The following KCNMA1 variants were observed in gnomAD, a reference collection of about 807,000 sequenced individuals.
KCNMA1 encodes the protein potassium calcium-activated channel subfamily M alpha 1, also known as Calcium-activated potassium channel subunit alpha-1.
In KCNMA1, 29 loss-of-function variants were observed where a neutral mutation model predicts 140.0. That is an observed-to-expected ratio of 0.21 (90% CI 0.15 to 0.28). The LOEUF (loss-of-function observed/expected upper bound fraction) is 0.28. Among genes scored for constraint, KCNMA1 ranks in the 10% least tolerant of loss-of-function variants. The pLI, the probability that KCNMA1 is intolerant of heterozygous loss-of-function variation, is 1.00. For synonymous variants in KCNMA1, 612 were observed against 611.9 expected (o/e 1.00, Z 0.00); for missense variants, 880 against 1,602.2 (o/e 0.55, Z 7.70).
At chr10:77,309,266 T>A (rs191319965) in intron 2 of KCNMA1, among the ~76,000 whole-genome samples, 16 of 152,298 alleles carry the variant, frequency 1.1e-4, no homozygotes, top group Non-Finnish European at 1.0e-4. Context: ...CCCACAACCA[T>A]CTACTTCAAA....
At chr10:77,559,946 A>C (rs1392918670) in intron 1 of KCNMA1, among the ~76,000 whole-genome samples, 4 of 152,028 alleles carry the variant, frequency 2.6e-5, no homozygotes, top group African/African-American at 9.7e-5. Flanking sequence ...GGGAGGCTGA[A>C]GCAGGTGGAT....
rs865951132 is a variant in KCNMA1 at position 77,324,957 on chromosome 10, C to G, written c.541-73701G>C. ...AGCTCTAGACTCTCTCTCTCTCTCT[C>G]TCTCTCTCTCTCTCTGTGTGTGTGT... is the stretch of plus-strand genomic sequence containing the variant. On this transcript the variant is annotated intron_variant, in intron 2 of 27. Transcript: ENST00000286628. Among the ~76,000 whole-genome samples the G allele has an allele frequency of 3.4e-3, 381 of 111,740 alleles. 2 individuals carry two copies. Among genetic ancestry groups the G allele is most frequent in the Middle Eastern group, 8.8e-3 (2 of 226 alleles). 73.3% of individuals were successfully genotyped at this position (111,740 alleles called of 152,430 possible).
intron 10 of KCNMA1, among the ~76,000 whole-genome samples, chr10:77,088,114 C>T (rs1038147532): frequency 9.9e-5 from 15 of 152,192 alleles, no homozygotes; most frequent in Admixed American, 1.3e-4. Flanking sequence ...GCATGTGCCA[C>T]CATGCCCGGC....
At chr10:77,628,304 A>G (rs564199207) in intron 1 of KCNMA1, among the ~76,000 whole-genome samples, 1 of 152,212 alleles carries the variant, frequency 6.6e-6, no homozygotes, top group African/African-American at 2.4e-5. Context: ...TGCAAAAGAC[A>G]TCATGGTCCC....
chr10:77,126,181 C>T (rs1458948866), intron 5 of KCNMA1, among the ~76,000 whole-genome samples: 1 of 152,008 alleles, frequency 6.6e-6, no homozygotes, highest in Non-Finnish European at 1.5e-5. Context: ...TAAGGTAACA[C>T]AAAATAGCTA....
intron 2 of KCNMA1, among the ~76,000 whole-genome samples, chr10:77,343,945 T>C (rs1293973360): frequency 1.3e-5 from 2 of 152,216 alleles, no homozygotes; most frequent in Non-Finnish European, 2.9e-5. Context: ...GCCTGGGCTC[T>C]GCTCCACCTG....
At chr10:76,869,635 C>G (rs1039307443) in exon 28 of KCNMA1, 3 of 152,474 alleles carry the variant, frequency 2.0e-5, no homozygotes, top group Non-Finnish European at 4.4e-5. Flanking sequence ...TTTTAATCTG[C>G]GAAAAATACA....
chr10:77,327,950 A>G lies in KCNMA1; in HGVS notation c.540+75912T>C, dbSNP rs567831002. 1.4e-4 allele frequency among the ~76,000 whole-genome samples: 21 copies of G among 152,308 alleles called. No homozygotes were observed. In the South Asian group the frequency reaches 3.5e-3, roughly 26 times the overall value. On this transcript the variant is annotated intron_variant, in intron 2 of 27. Coordinates refer to ENST00000286628, the MANE Select transcript of KCNMA1 (RefSeq NM_001161352.2). ...GCTTTGAGTATAATAATATTCACAAAGCACACAAATAGGCACTCTGAAGAG... is the reference window on the plus strand; with the variant it reads ...GCTTTGAGTATAATAATATTCACAAGGCACACAAATAGGCACTCTGAAGAG...
intron 2 of KCNMA1, among the ~76,000 whole-genome samples, chr10:77,332,244 A>C (rs1214269794): frequency 6.6e-6 from 1 of 152,134 alleles, no homozygotes; most frequent in Non-Finnish European, 1.5e-5. Flanking sequence ...GATGAGAGGG[A>C]AAAAAAGGAG....
chr10:77,373,208 G>C (rs1005626714), intron 2 of KCNMA1, among the ~76,000 whole-genome samples: 1 of 152,144 alleles, frequency 6.6e-6, no homozygotes, highest in Non-Finnish European at 1.5e-5. Context: ...CCTCATTAAT[G>C]AGCTAAATGC....
chr10:77,145,238 T>C (rs1354162419), intron 5 of KCNMA1, among the ~76,000 whole-genome samples: 1 of 152,238 alleles, frequency 6.6e-6, no homozygotes, highest in Non-Finnish European at 1.5e-5. Flanking sequence ...CCACATGCTC[T>C]TGGAAGTTAT....
chr10:77,511,880 T>C (rs1277408991), intron 1 of KCNMA1, among the ~76,000 whole-genome samples: 5 of 152,146 alleles, frequency 3.3e-5, no homozygotes, highest in African/African-American at 4.8e-5. Context: ...TGAGAGACAA[T>C]GGGCAAGTTA....
chr10:76,880,876 A>G (rs2151495897), downstream of KCNMA1, among the ~76,000 whole-genome samples: 1 of 152,300 alleles, frequency 6.6e-6, no homozygotes, highest in East Asian at 1.9e-4. Context: ...CTAAGATGAG[A>G]AGGGCAATTG....
chr10:76,900,513 T>C (rs1792897885), intron 25 of KCNMA1, among the ~76,000 whole-genome samples: 1 of 152,088 alleles, frequency 6.6e-6, no homozygotes, highest in Non-Finnish European at 1.5e-5. Context: ...AATACATTTA[T>C]TTTAAATTTC....
chr10:77,388,837 A>G (rs186181016), intron 2 of KCNMA1, among the ~76,000 whole-genome samples: 44 of 152,232 alleles, frequency 2.9e-4, no homozygotes, highest in African/African-American at 1.1e-3. Context: ...TGGCTTGCTG[A>G]ATTGCCTTTA....
intron 9 of KCNMA1, among the ~76,000 whole-genome samples, chr10:77,095,945 A>G (rs1293867314): frequency 6.6e-6 from 1 of 152,162 alleles, no homozygotes; most frequent in African/African-American, 2.4e-5. Context: ...GAAAATCTAC[A>G]TACTTTTCCC....
intron 18 of KCNMA1, 38 bp from the exon 19 acceptor site, chr10:77,001,618 G>T (rs373465264): frequency 1.3e-6 from 2 of 1,502,386 alleles, no homozygotes; most frequent in South Asian, 1.2e-5. Flanking sequence ...GAGGAAGAGC[G>T]GCAATTAATG....
At chr10:77,466,184 G>A (rs1309215678) in intron 1 of KCNMA1, among the ~76,000 whole-genome samples, 1 of 152,136 alleles carries the variant, frequency 6.6e-6, no homozygotes, top group Admixed American at 6.5e-5. Flanking sequence ...TGCCTAGCAT[G>A]GACTCTCCAC....
At position 76,886,406 on chromosome 10, in the gene KCNMA1, G is replaced by C. The variant is rs921975633; in HGVS notation, c.*860C>G. ...ACATCTGATATTTATGATACATATG[G>C]CTTTTCATCCCAAATGTCAAAAGTG... On this transcript the variant is annotated 3_prime_UTR_variant, in exon 28 of 28. Transcript: ENST00000286628. 6.1e-6 allele frequency: 6 copies of C among 984,918 alleles called. No individual in the cohort carries two copies. In the African/African-American group the frequency reaches 1.0e-4, roughly 17 times the overall value. The allele number at this position is 984,918 out of a possible 1,614,324, so 61.0% of individuals were successfully genotyped here.
Sources: allele counts gnomAD v4.1 joint callset (sites outside exome capture counted in the v4.1 genomes callset), GRCh38; gene constraint gnomAD v4.1.1; transcripts MANE v1.5; gene names NCBI Gene and HGNC (gene_info 2026-07-23, HGNC 2026-07-21).